The following PDZD4 variants were observed in gnomAD, a reference collection of about 807,000 sequenced individuals.
PDZD4 encodes the protein PDZ domain-containing protein 4.
A neutral mutation model predicts 38.5 loss-of-function variants in PDZD4; 9 were observed. The ratio of observed to expected loss-of-function variants is 0.23; its 90% CI spans 0.14 to 0.41. The LOEUF is 0.41. Ranked by LOEUF, PDZD4 falls within the 10% of genes least tolerant of loss-of-function variation. The pLI is 1.00. For synonymous variants in PDZD4, 349 were observed against 315.7 expected (o/e 1.11, Z -1.12); for missense variants, 612 against 722.0 (o/e 0.85, Z 1.75).
At position 153,804,376 on chromosome X, in the gene PDZD4, G is replaced by A. The variant is rs1557076018; in HGVS notation, c.1305C>T (p.Cys435=). ...CCTCCTCCAGCAGCCAGGCCTTCAT[G>A]CAGCGCTCACGCAGCTGCTGCATCT... ...AQKMQQLRER[C]MKAWLLEEES... is the part of the protein sequence containing the mutation. The change falls in exon 8 of 8, where the codon TGC becomes TGT. Residue 435 remains cysteine, a synonymous_variant. Transcript: ENST00000393758. The A allele has an allele frequency of 7.4e-6, 9 of 1,209,227 alleles. No homozygotes were observed. The highest frequency in any genetic ancestry group is 8.9e-6 in the Non-Finnish European group (8 of 895,443).
Position 153,830,405 on chromosome X carries a change from G to A in PDZD4, c.-107C>T, listed in dbSNP as rs1209244073. 1 of 673,555 alleles carries A rather than the reference G, an allele frequency of 1.5e-6. No homozygotes were observed. Among genetic ancestry groups the A allele is most frequent in the Non-Finnish European group, 2.2e-6 (1 of 451,910 alleles). 55.5% of individuals were successfully genotyped at this position (673,555 alleles called of 1,213,427 possible). A position where few individuals can be genotyped will look rare whatever the true frequency, so the allele number is the denominator to read the frequency against. On this transcript the variant is annotated 5_prime_UTR_variant, in exon 1 of 8. Coordinates refer to ENST00000393758, the MANE Select transcript of PDZD4 (RefSeq NM_001303512.2). ...GGCCGGGGCCAGGGGCCATACCCTG[G>A]CGCGGGGGGCGGGCCGCCTAGCGGG...
chrX:153,813,969 T>C (rs1260757851), intron 1 of PDZD4, among the ~76,000 whole-genome samples: 1 of 112,292 alleles, frequency 8.9e-6, no homozygotes, highest in African/African-American at 3.2e-5. Flanking sequence ...AAATTTTATA[T>C]ATTTCTGTAA....
chrX:153,814,448 T>A (rs1333419645), intron 1 of PDZD4, among the ~76,000 whole-genome samples: 7 of 101,868 alleles, frequency 6.9e-5, no homozygotes, highest in Admixed American at 4.3e-4. Flanking sequence ...CACTCCAGCC[T>A]GGGCAACAGA....
intron 1 of PDZD4, among the ~76,000 whole-genome samples, chrX:153,823,210 G>A (rs1557081746): frequency 9.6e-6 from 1 of 104,369 alleles, no homozygotes; most frequent in East Asian, 3.0e-4. Flanking sequence ...GGTGCATGAT[G>A]CCCAGCTAAT....
Position 153,827,298 on chromosome X carries a change from A to G in PDZD4, c.60+2941T>C, listed in dbSNP as rs782453060. 2.7e-5 allele frequency among the ~76,000 whole-genome samples: 3 copies of G among 112,134 alleles called. No homozygotes were observed. In the East Asian group the frequency reaches 8.4e-4, roughly 31 times the overall value. ...CAACTGTTGGCAAAGATATAGAGAA[A>G]TTGGAACCCTTATATGTTGCTGGTG... On this transcript the variant is annotated intron_variant, in intron 1 of 7. Coordinates refer to ENST00000393758, the MANE Select transcript of PDZD4 (RefSeq NM_001303512.2).
At chrX:153,821,711 A>G (rs938122824) in intron 1 of PDZD4, among the ~76,000 whole-genome samples, 3 of 111,177 alleles carry the variant, frequency 2.7e-5, no homozygotes, top group African/African-American at 9.8e-5. Flanking sequence ...ACTGACTCAG[A>G]GCGCGCCCTG....
At chrX:153,805,854 G>A (rs901375612) in intron 5 of PDZD4, among the ~76,000 whole-genome samples, 3 of 112,158 alleles carry the variant, frequency 2.7e-5, no homozygotes, top group African/African-American at 9.7e-5. Flanking sequence ...GAGCAGCAGG[G>A]GCCCTGGATG....
intron 1 of PDZD4, among the ~76,000 whole-genome samples, chrX:153,825,069 T>A (rs2064466828): frequency 1.8e-5 from 2 of 112,749 alleles, no homozygotes; most frequent in Non-Finnish European, 3.8e-5. Flanking sequence ...AGTGTCTCCC[T>A]GCTGAATGCC....
intron 2 of PDZD4, among the ~76,000 whole-genome samples, chrX:153,807,574 G>A (rs2064264541): frequency 8.8e-6 from 1 of 113,407 alleles, no homozygotes; most frequent in Non-Finnish European, 1.9e-5. Flanking sequence ...TCTCGCACCT[G>A]AGTGTGCAGC....
At chrX:153,821,900 AGAAAG>A in intron 1 of PDZD4, among the ~76,000 whole-genome samples, 1 of 111,836 alleles carries the variant, frequency 8.9e-6, no homozygotes, top group Non-Finnish European at 1.9e-5. Context: ...GCTCAGAAGC[AGAAAG>A]GAGGCCGGGC....
chrX:153,816,263 C>G (rs3020793), intron 1 of PDZD4, among the ~76,000 whole-genome samples: 6 of 108,272 alleles, frequency 5.5e-5, no homozygotes, highest in Non-Finnish European at 9.7e-5. Context: ...CAAGCTCTCC[C>G]GCCCACAGAT....
Position 153,804,608 on chromosome X carries a change from T to C in PDZD4, c.1073A>G (p.Glu358Gly). ...GGGDVPGLTD[E>G]EYERYRELLE... is the part of the protein sequence containing the mutation. ...GAGCTCACGGTAGCGCTCATACTCC[T>C]CATCCGTGAGGCCCGGGACGTCGCC... Residue 358 changes from glutamate (E) to glycine (G), a missense_variant, in exon 8 of 8, where the codon GAG (glutamate) becomes GGG (glycine). By Grantham distance (98) the Glu-to-Gly change is moderately conservative (BLOSUM62 -2). Around this residue, in one of 3 missense-constraint regions of PDZD4, gnomAD observed 300 missense variants for 284.6 expected, o/e 1.05. Transcript: ENST00000393758. The C allele has an allele frequency of 8.3e-7, 1 of 1,209,633 alleles. No individual in the cohort carries two copies. Among genetic ancestry groups the C allele is most frequent in the Non-Finnish European group, 1.1e-6 (1 of 895,359 alleles).
At chrX:153,816,044 C>G (rs998164877) in intron 1 of PDZD4, among the ~76,000 whole-genome samples, 1 of 99,158 alleles carries the variant, frequency 1.0e-5, no homozygotes, top group Non-Finnish European at 2.1e-5. Context: ...GGCAGGATCC[C>G]GGGTTGCGCT....
intron 1 of PDZD4, among the ~76,000 whole-genome samples, chrX:153,825,956 C>T (rs782621238): frequency 8.9e-5 from 10 of 111,825 alleles, no homozygotes; most frequent in Non-Finnish European, 1.7e-4. Flanking sequence ...TGGTTTACAC[C>T]GGTAATCCCA....
chrX:153,821,552 C>A (rs1328096769), intron 1 of PDZD4, among the ~76,000 whole-genome samples: 1 of 111,269 alleles, frequency 9.0e-6, no homozygotes, highest in Non-Finnish European at 1.9e-5. Flanking sequence ...GATCTACTCC[C>A]GGTCCCTACC....
At chrX:153,823,833 C>T (rs1298976106) in intron 1 of PDZD4, among the ~76,000 whole-genome samples, 2 of 112,679 alleles carry the variant, frequency 1.8e-5, no homozygotes, top group East Asian at 5.6e-4. Flanking sequence ...GGCCATGCAG[C>T]GACTTGCCCC....
At position 153,804,135 on chromosome X, in the gene PDZD4, C is replaced by T. The variant is rs1002505147; in HGVS notation, c.1546G>A (p.Ala516Thr). The T allele has an allele frequency of 8.7e-7, 1 of 1,150,003 alleles. No homozygotes were observed. The highest frequency in any genetic ancestry group is 1.2e-6 in the Non-Finnish European group (1 of 867,637). The allele number at this position is 1,150,003 out of a possible 1,213,427, so 94.8% of individuals were successfully genotyped here. Residue 516 changes from alanine to threonine, a missense_variant, in exon 8 of 8, where the codon GCT becomes ACT. Coordinates refer to ENST00000393758, the MANE Select transcript of PDZD4 (RefSeq NM_001303512.2). ...GCTGCCTTGGCGGGGGTGGCAACAG[C>T]GGGGCCGGGAGGGGTCCGGTTCAAG... ...SNLNRTPPGP[A>T]VATPAKAAPP... is the part of the protein sequence containing the mutation.
At position 153,802,402 on chromosome X, in the gene PDZD4, C is replaced by T. The variant is rs1557074859; in HGVS notation, c.*951G>A. The T allele has an allele frequency of 8.9e-6, 1 of 111,996 alleles. No individual in the cohort carries two copies. The highest frequency in any genetic ancestry group is 3.2e-5 in the African/African-American group (1 of 30,771). 9.2% of individuals were successfully genotyped at this position (111,996 alleles called of 1,213,427 possible). A position where few individuals can be genotyped will look rare whatever the true frequency, so the allele number is the denominator to read the frequency against. ...ACCAAGTCCTCCCCAGGCCGCATGGCCCGAGGTCTTCCACTGCTGCTCATG... is the reference window on the plus strand; with the variant it reads ...ACCAAGTCCTCCCCAGGCCGCATGGTCCGAGGTCTTCCACTGCTGCTCATG... On this transcript the variant is annotated 3_prime_UTR_variant, in exon 8 of 8. Coordinates refer to ENST00000393758, the MANE Select transcript of PDZD4 (RefSeq NM_001303512.2).
chrX:153,829,874 T>G, intron 1 of PDZD4: 3 of 795,433 alleles, frequency 3.8e-6, no homozygotes, highest in Non-Finnish European at 3.0e-6. Context: ...CCCGCCGGGA[T>G]CTAGATTCGG....
Sources: allele counts gnomAD v4.1 joint callset (sites outside exome capture counted in the v4.1 genomes callset), GRCh38; gene constraint gnomAD v4.1.1; regional missense constraint gnomAD v4.1.1; transcripts MANE v1.5; gene names NCBI Gene and HGNC (gene_info 2026-07-23, HGNC 2026-07-21).